The following PI4KA variants were observed in gnomAD, a reference collection of about 807,000 sequenced individuals.
The protein encoded by PI4KA is phosphatidylinositol 4-kinase alpha.
In PI4KA, 122 loss-of-function variants were observed where a neutral mutation model predicts 271.4. The observed-to-expected ratio is 0.45, with a 90% CI of 0.39 to 0.52. The LOEUF is 0.52. PI4KA is among the 20% of genes least tolerant of loss of function. The pLI is 0.00. For missense variants in PI4KA, 1,969 were observed against 2,769.1 expected (o/e 0.71, Z 6.48); for synonymous variants, 1,041 against 1,078.8 (o/e 0.96, Z 0.69).
rs1927842280 is a variant in PI4KA at position 20,730,117 on chromosome 22, G to C, written c.4289-106C>G. 9 of 1,284,134 alleles carry C rather than the reference G, an allele frequency of 7.0e-6. No homozygotes were observed. The South Asian group carries it at 1.3e-4, about 18-fold the overall frequency. 79.5% of individuals were successfully genotyped at this position (1,284,134 alleles called of 1,614,324 possible). ...AGATAAAGCAATTAGTGGCAGAGCA[G>C]GCATTTTCTGGAGTCCTGGAATCGA... is the stretch of plus-strand genomic sequence containing the variant. On this transcript the variant is annotated intron_variant, in intron 36 of 54. Transcript: ENST00000255882.
chr22:20,799,963 G>A (rs758487458), intron 14 of PI4KA, among the ~76,000 whole-genome samples, 197 bp from the exon 15 acceptor site: 2 of 152,078 alleles, frequency 1.3e-5, no homozygotes, highest in Non-Finnish European at 2.9e-5. Flanking sequence ...TGTCTCAGTC[G>A]GAAACAATAA....
At chr22:20,820,661 A>C (rs1231733107) in intron 4 of PI4KA, 50 bp from the exon 5 acceptor site, 1 of 1,276,066 alleles carries the variant, frequency 7.8e-7, no homozygotes, top group Non-Finnish European at 1.1e-6. Flanking sequence ...AAAATTAGGT[A>C]AATATCACGA....
chr22:20,765,167 G>T lies in PI4KA; in HGVS notation c.2507C>A (p.Pro836His), dbSNP rs1230775568. Residue 836 changes from proline (P) to histidine (H), a missense_variant, in exon 21 of 55, where the codon CCC becomes CAC. Pro to His is a moderately conservative substitution (Grantham distance 77, BLOSUM62 -2). Coordinates refer to ENST00000255882, the MANE Select transcript of PI4KA (RefSeq NM_058004.4). ...IATKSPLLTFPSKEPLRSVLQ... is the reference protein window; with the variant it reads ...IATKSPLLTFHSKEPLRSVLQ... ...GACGGACCGCAGTGGCTCCTTGCTG[G>T]GAAAGGTGAGCAAGGGGGACTTAGT... 6.2e-7 allele frequency: 1 copy of T among 1,613,360 alleles called. No homozygotes were observed. The highest frequency in any genetic ancestry group is 8.5e-7 in the Non-Finnish European group (1 of 1,179,482).
intron 3 of PI4KA, among the ~76,000 whole-genome samples, chr22:20,833,527 C>G (rs1924464405): frequency 6.6e-6 from 1 of 152,146 alleles, no homozygotes; most frequent in Non-Finnish European, 1.5e-5. Context: ...AGAGTTAGAG[C>G]TGGTGACCTC....
At position 20,791,615 on chromosome 22, in the gene PI4KA, G is replaced by A. The variant is rs571247574; in HGVS notation, c.2328+1578C>T. Among the ~76,000 whole-genome samples the A allele has an allele frequency of 2.0e-5, 3 of 152,102 alleles. No homozygotes were observed. In the East Asian group the frequency reaches 5.8e-4, roughly 29 times the overall value. The stretch of plus-strand genomic sequence containing the variant: ...CTACAAAAAAATAGAAAAAGTAGCT[G>A]AGAATGGTGATGTGCACCTGTAGTC... On this transcript the variant is annotated intron_variant, in intron 19 of 54. Transcript: ENST00000255882.
At chr22:20,820,173 T>C (rs978360750) in intron 5 of PI4KA, among the ~76,000 whole-genome samples, 6 of 152,170 alleles carry the variant, frequency 3.9e-5, no homozygotes, top group African/African-American at 1.4e-4. Context: ...ATCAATAAAA[T>C]AGCTAGGCCA....
intron 19 of PI4KA, chr22:20,784,132 G>T (rs766864591): frequency 6.2e-7 from 1 of 1,614,172 alleles, no homozygotes; most frequent in Non-Finnish European, 8.5e-7. Flanking sequence ...TGGAATACGT[G>T]GGGGGCATCA....
chr22:20,858,741 G>A lies in PI4KA; in HGVS notation c.-16C>T, dbSNP rs918310638. ...CCGCCGCCATCACCTCACGAGCCGC[G>A]GCGCTGCCCGCCGGCTCCCCGCTCC... On this transcript the variant is annotated 5_prime_UTR_variant, in exon 1 of 55. Coordinates refer to ENST00000255882, the MANE Select transcript of PI4KA (RefSeq NM_058004.4). The A allele has an allele frequency of 1.5e-5, 20 of 1,373,366 alleles. 1 individual carries two copies. The highest frequency in any genetic ancestry group is 6.1e-5 in the African/African-American group (4 of 65,824). The allele number at this position is 1,373,366 out of a possible 1,614,324, so 85.1% of individuals were successfully genotyped here.
At chr22:20,800,135 A>G (rs1458824385) in intron 14 of PI4KA, among the ~76,000 whole-genome samples, 1 of 152,200 alleles carries the variant, frequency 6.6e-6, no homozygotes, top group East Asian at 1.9e-4. Context: ...CAAGGTTTTC[A>G]TGGTAAGGAG....
intron 6 of PI4KA, 105 bp from the exon 7 acceptor site, chr22:20,818,654 G>C: frequency 2.5e-6 from 2 of 786,988 alleles, no homozygotes; most frequent in Middle Eastern, 5.7e-4. Context: ...TGTACTTCAA[G>C]TTCTGGTTGA....
intron 3 of PI4KA, among the ~76,000 whole-genome samples, chr22:20,830,974 T>C (rs1046510863): frequency 2.6e-5 from 4 of 152,158 alleles, no homozygotes; most frequent in African/African-American, 7.2e-5. Context: ...GGTTTCACCA[T>C]GTTGGCCAGC....
chr22:20,751,432 C>T, intron 26 of PI4KA, 56 bp from the exon 27 acceptor site: 1 of 1,476,006 alleles, frequency 6.8e-7, no homozygotes, highest in Non-Finnish European at 9.4e-7. Flanking sequence ...TTGCCACTAG[C>T]AACCACATGG....
intron 36 of PI4KA, among the ~76,000 whole-genome samples, chr22:20,731,092 T>C (rs892781251): frequency 1.3e-5 from 2 of 152,094 alleles, no homozygotes; most frequent in Non-Finnish European, 2.9e-5. Flanking sequence ...GGTGGGAGAA[T>C]TGCTTGCACC....
At chr22:20,760,200 T>C (rs1352814441) in intron 23 of PI4KA, among the ~76,000 whole-genome samples, 1 of 152,248 alleles carries the variant, frequency 6.6e-6, no homozygotes, top group Non-Finnish European at 1.5e-5. Flanking sequence ...AATTTATTCA[T>C]ACAGTTAATC....
chr22:20,785,595 T>A (rs1017368337), intron 19 of PI4KA, among the ~76,000 whole-genome samples: 2 of 152,130 alleles, frequency 1.3e-5, no homozygotes, highest in Non-Finnish European at 2.9e-5. Context: ...GTCTAGTATA[T>A]ACAGGAAAGG....
intron 7 of PI4KA, among the ~76,000 whole-genome samples, chr22:20,817,473 C>T (rs1306114270): frequency 2.6e-5 from 4 of 151,902 alleles, no homozygotes; most frequent in Admixed American, 2.0e-4. Flanking sequence ...TGGTGGTTCA[C>T]GGCTGTAATC....
chr22:20,724,672 T>C (rs561604994), intron 42 of PI4KA, among the ~76,000 whole-genome samples: 30 of 152,012 alleles, frequency 2.0e-4, no homozygotes, highest in African/African-American at 7.0e-4. Context: ...CCAGTGAAAC[T>C]AGCTGAGTCC....
Position 20,742,227 on chromosome 22 carries a change from C to A in PI4KA, c.3741+1G>T. On this transcript the variant is annotated splice_donor_variant, in intron 32 of 54. Coordinates refer to ENST00000255882, the MANE Select transcript of PI4KA (RefSeq NM_058004.4). LOFTEE classifies it high-confidence loss of function. Reference sequence around the variant, plus strand: ...CTGCCAACCCGAGGTCAGGGTCCTACCGGCACTTCCACTCCATCCTTGCCA... The same window carrying A: ...CTGCCAACCCGAGGTCAGGGTCCTAACGGCACTTCCACTCCATCCTTGCCA... 6.2e-7 allele frequency: 1 copy of A among 1,613,848 alleles called. No homozygotes were observed. Among genetic ancestry groups the A allele is most frequent in the Non-Finnish European group, 8.5e-7 (1 of 1,179,852 alleles).
In PI4KA at chr22:20,713,310, T is replaced by C. The variant is rs1472180023; in HGVS notation, c.5542A>G (p.Ile1848Val). The C allele has an allele frequency of 6.3e-7, 1 of 1,597,964 alleles. No individual in the cohort carries two copies. The highest frequency in any genetic ancestry group is 8.5e-7 in the Non-Finnish European group (1 of 1,171,424). ...DGQKISWQAA[I>V]FKVGDDCRQD... ...CGGCAGTCGTCTCCCACCTTGAAGA[T>C]GGCTGCCTGCCAGGAGATCTTCTGG... Residue 1848 changes from isoleucine (I) to valine (V), a missense_variant, in exon 48 of 55, where the codon ATC becomes GTC. Coordinates refer to ENST00000255882, the MANE Select transcript of PI4KA (RefSeq NM_058004.4).
Sources: allele counts gnomAD v4.1 joint callset (sites outside exome capture counted in the v4.1 genomes callset), GRCh38; gene constraint gnomAD v4.1.1; transcripts MANE v1.5; gene names NCBI Gene and HGNC (gene_info 2026-07-23, HGNC 2026-07-21).